RFX7: variants seen among roughly 807,000 people sequenced by gnomAD.
RFX7 encodes regulatory factor X7.
Under a neutral mutation model 111.8 loss-of-function variants are expected in RFX7, and 26 were observed. That is an observed-to-expected ratio of 0.23 (90% CI 0.17 to 0.32). RFX7 has a LOEUF of 0.32. Among genes scored for constraint, RFX7 ranks in the 10% least tolerant of loss-of-function variants. RFX7 has a pLI of 1.00. For synonymous variants in RFX7, 624 were observed against 624.4 expected (o/e 1.00, Z 0.01); for missense variants, 1,573 against 1,772.9 (o/e 0.89, Z 2.02).
At chr15:56,166,496 C>T (rs1280321592) in intron 3 of RFX7, among the ~76,000 whole-genome samples, 1 of 115,950 alleles carries the variant, frequency 8.6e-6, no homozygotes, top group Admixed American at 8.7e-5. Context: ...TCTCAACATC[C>T]TGTTACTTAT....
rs969008708 is a variant in RFX7 at position 56,089,855 on chromosome 15, G to A, written c.*3490C>T. The A allele has an allele frequency of 6.6e-6, 1 of 151,948 alleles. No individual in the cohort carries two copies. Among genetic ancestry groups the A allele is most frequent in the Admixed American group, 6.6e-5 (1 of 15,232 alleles). 9.4% of individuals were successfully genotyped at this position (151,948 alleles called of 1,614,324 possible). ...CTTCTACCACCTGTTCAAACTGAGG[G>A]CTCCAGATCTATGGTGATAGTGGAA... On this transcript the variant is annotated 3_prime_UTR_variant, in exon 10 of 10. Coordinates refer to ENST00000559447, the MANE Select transcript of RFX7 (RefSeq NM_022841.7).
At chr15:56,187,461 T>C (rs1413275233) in intron 2 of RFX7, among the ~76,000 whole-genome samples, 2 of 152,166 alleles carry the variant, frequency 1.3e-5, no homozygotes, top group East Asian at 3.8e-4. Context: ...TCCACCTGCC[T>C]CGGCCTCCCA....
intron 3 of RFX7, among the ~76,000 whole-genome samples, chr15:56,161,764 A>G (rs1471013633): frequency 2.0e-5 from 3 of 152,086 alleles, no homozygotes; most frequent in Non-Finnish European, 4.4e-5. Context: ...AGTAAGAACC[A>G]AATGAAATGC....
intron 3 of RFX7, among the ~76,000 whole-genome samples, chr15:56,152,068 A>G (rs1487725837): frequency 1.3e-5 from 2 of 152,224 alleles, no homozygotes; most frequent in Non-Finnish European, 1.5e-5. Flanking sequence ...AAGTTCTTAG[A>G]GACCTATAAA....
rs574001521 is a variant in RFX7, at chr15:56,153,704, C to G, written c.196-9221G>C. On this transcript the variant is annotated intron_variant, in intron 3 of 9. Coordinates refer to ENST00000559447, the MANE Select transcript of RFX7 (RefSeq NM_022841.7). ...CAGTATCATACTGAATGGGCAAAAA[C>G]TGGAAGCATTCCCTTTGAAAACTGG... 2.0e-5 allele frequency among the ~76,000 whole-genome samples: 3 copies of G among 152,290 alleles called. No individual in the cohort carries two copies. The East Asian group carries it at 5.8e-4, about 29-fold the overall frequency.
chr15:56,096,221 C>T lies in RFX7; in HGVS notation c.1507G>A (p.Glu503Lys). 1 of 1,613,964 alleles carries T rather than the reference C, an allele frequency of 6.2e-7. No individual in the cohort carries two copies. The highest frequency in any genetic ancestry group is 8.5e-7 in the Non-Finnish European group (1 of 1,179,856). The change falls in exon 10 of 10, where the codon GAA (glutamate) becomes AAA (lysine). Residue 503 changes from glutamate (E) to lysine (K), a missense_variant. Glu to Lys is a moderately conservative substitution (Grantham distance 56). Transcript: ENST00000559447. ...ASVSSATGTTEESRSVPQIKN... is the reference protein window; with the variant it reads ...ASVSSATGTTKESRSVPQIKN... Reference sequence around the variant, plus strand: ...ATCTGTGGAACACTCCTTGATTCTTCTGTTGTTCCTGTAGCACTGCTGACT... The same window carrying T: ...ATCTGTGGAACACTCCTTGATTCTTTTGTTGTTCCTGTAGCACTGCTGACT...
chr15:56,103,681 AG>A lies in RFX7; in HGVS notation c.402-12del, dbSNP rs1394826416. The A allele has an allele frequency of 1.3e-6, 2 of 1,499,560 alleles. No homozygotes were observed. Among genetic ancestry groups the A allele is most frequent in the Non-Finnish European group, 1.8e-6 (2 of 1,091,314 alleles). The allele number at this position is 1,499,560 out of a possible 1,614,324, so 92.9% of individuals were successfully genotyped here. Reference sequence around the variant, plus strand: ...TTGTCACAATAGCTCCTGCAAAAGAAGGAAGGACCAATTTAGAGTGACAGAA... The same window carrying A: ...TTGTCACAATAGCTCCTGCAAAAGAAGAAGGACCAATTTAGAGTGACAGAA... On this transcript the variant is annotated splice_polypyrimidine_tract_variant and intron_variant, in intron 5 of 9. Transcript: ENST00000559447.
chr15:56,212,460 T>A (rs139553284), intron 2 of RFX7, among the ~76,000 whole-genome samples: 5 of 152,080 alleles, frequency 3.3e-5, no homozygotes, highest in African/African-American at 1.2e-4. Context: ...ACCAAACCCA[T>A]AGAATGTGTA....
chr15:56,217,149 T>C (rs1249719047), intron 2 of RFX7, among the ~76,000 whole-genome samples: 2 of 152,214 alleles, frequency 1.3e-5, no homozygotes, highest in African/African-American at 4.8e-5. Context: ...CTATAATACA[T>C]TCATTTTGCT....
rs1233759153 is a variant in RFX7 at position 56,090,842 on chromosome 15, G to T, written c.*2503C>A. 2 of 152,484 alleles carry T rather than the reference G, an allele frequency of 1.3e-5. No individual in the cohort carries two copies. The highest frequency in any genetic ancestry group is 2.9e-5 in the Non-Finnish European group (2 of 67,990). The allele number at this position is 152,484 out of a possible 1,614,324, so 9.4% of individuals were successfully genotyped here. A position where few individuals can be genotyped will look rare whatever the true frequency, so the allele number is the denominator to read the frequency against. On this transcript the variant is annotated 3_prime_UTR_variant, in exon 10 of 10. Transcript: ENST00000559447. Reference sequence around the variant, plus strand: ...TTCAGTTCAAAAGTCAGTGCTTATTGCAATTATATGCAAAATTATTTACTT... The same window carrying T: ...TTCAGTTCAAAAGTCAGTGCTTATTTCAATTATATGCAAAATTATTTACTT...
Position 56,094,860 on chromosome 15 carries a change from A to T in RFX7, c.2868T>A (p.Pro956=), listed in dbSNP as rs373912380. Residue 956 remains proline (P), a synonymous_variant, in exon 10 of 10, where the codon CCT becomes CCA. Transcript: ENST00000559447. Reference sequence around the variant, plus strand: ...TCGGGGTTGGGGTTGGGGTTGGAGTAGGAGTGGGTGTGGGTGTGGGTGTGG... The same window carrying T: ...TCGGGGTTGGGGTTGGGGTTGGAGTTGGAGTGGGTGTGGGTGTGGGTGTGG... The part of the protein sequence containing the change: ...HTPTPTPTPT[P]TPTPTPTPTS... The T allele has an allele frequency of 5.2e-5, 81 of 1,553,378 alleles. No homozygotes were observed. Among genetic ancestry groups the T allele is most frequent in the South Asian group, 8.6e-5 (7 of 81,782 alleles).
rs920283664 is a variant in RFX7, at chr15:56,224,612, T to A, written c.161+18513A>T. 2.0e-5 allele frequency among the ~76,000 whole-genome samples: 3 copies of A among 152,118 alleles called. No homozygotes were observed. In the East Asian group the frequency reaches 5.8e-4, roughly 29 times the overall value. Reference sequence around the variant, plus strand: ...GTCGTTAAACATTTTAATGACTACATAGCCATTCACATTTTCCCATTTTCC... The same window carrying A: ...GTCGTTAAACATTTTAATGACTACAAAGCCATTCACATTTTCCCATTTTCC... On this transcript the variant is annotated intron_variant, in intron 2 of 9. Transcript: ENST00000559447.
intron 3 of RFX7, 122 bp from the exon 4 acceptor site, chr15:56,144,605 C>T (rs2141030100): frequency 3.0e-6 from 1 of 337,458 alleles, no homozygotes; most frequent in Non-Finnish European, 6.0e-6. Flanking sequence ...GATGAATCAT[C>T]TGTCTTTTCT....
At position 56,179,320 on chromosome 15, in the gene RFX7, G is replaced by C; in HGVS notation, c.162-17C>G. On this transcript the variant is annotated splice_polypyrimidine_tract_variant and intron_variant, in intron 2 of 9. Coordinates refer to ENST00000559447, the MANE Select transcript of RFX7 (RefSeq NM_022841.7). ...ACAGTTTTGCTAAAAGAAAGAGAAA[G>C]TTAGGTTAGTAAAATGAAAAGTTTA... 8.0e-7 allele frequency: 1 copy of C among 1,248,332 alleles called. No homozygotes were observed. Among genetic ancestry groups the C allele is most frequent in the Non-Finnish European group, 1.1e-6 (1 of 943,664 alleles). 77.3% of individuals were successfully genotyped at this position (1,248,332 alleles called of 1,614,324 possible). A position where few individuals can be genotyped will look rare whatever the true frequency, so the allele number is the denominator to read the frequency against.
At chr15:56,238,523 A>C (rs776620027) in intron 2 of RFX7, among the ~76,000 whole-genome samples, 3 of 152,180 alleles carry the variant, frequency 2.0e-5, no homozygotes, top group Non-Finnish European at 4.4e-5. Context: ...AATCAGTAGA[A>C]TCTTATAGGT....
intron 3 of RFX7, among the ~76,000 whole-genome samples, chr15:56,161,932 C>T (rs2042724657): frequency 6.6e-6 from 1 of 152,058 alleles, no homozygotes; most frequent in African/African-American, 2.4e-5. Flanking sequence ...TCTACAAAAA[C>T]TGACCATCAT....
At chr15:56,127,713 A>C (rs2042162870) in intron 5 of RFX7, among the ~76,000 whole-genome samples, 1 of 151,692 alleles carries the variant, frequency 6.6e-6, no homozygotes, top group Admixed American at 6.6e-5. Context: ...ATGCCCGGCT[A>C]ATTTTTGTAT....
intron 2 of RFX7, among the ~76,000 whole-genome samples, chr15:56,210,352 T>C (rs1342866452): frequency 6.6e-6 from 1 of 152,208 alleles, no homozygotes; most frequent in South Asian, 2.1e-4. Flanking sequence ...CAGAATAGAC[T>C]ATTACACTTG....
At chr15:56,107,326 GA>G (rs2041844932) in intron 5 of RFX7, among the ~76,000 whole-genome samples, 2 of 109,696 alleles carry the variant, frequency 1.8e-5, no homozygotes, top group Admixed American at 9.2e-5. Context: ...AAAAAAAGAA[GA>G]AAGAATTGTT....
Sources: gnomAD v4.1 joint callset for allele counts (sites outside exome capture counted in the v4.1 genomes callset) on GRCh38, gnomAD v4.1.1 for gene constraint, MANE v1.5 for transcripts, NCBI Gene and HGNC (gene_info 2026-07-23, HGNC 2026-07-21) for gene names.